Variants in CSNK2A1 observed in about 807,000 individuals in gnomAD.
The protein encoded by CSNK2A1 is casein kinase II subunit alpha.
CSNK2A1 carries 10 observed loss-of-function variants against 62.9 expected under a neutral mutation model. That is an observed-to-expected ratio of 0.16 (90% CI 0.10 to 0.27). The LOEUF (loss-of-function observed/expected upper bound fraction) is 0.27, where lower values mean the gene tolerates loss of function less well. Ranked by LOEUF, CSNK2A1 falls within the 10% of genes least tolerant of loss-of-function variation. CSNK2A1 has a pLI of 1.00. For synonymous variants in CSNK2A1, 124 were observed against 167.8 expected, an observed-to-expected ratio of 0.74 and a Z score of 2.02; for missense variants, 160 against 492.0, an observed-to-expected ratio of 0.33 and a Z score of 6.38.
In CSNK2A1 at chr20:499,210, G is replaced by A. The variant is rs765476166; in HGVS notation, c.366+45C>T. 6.7e-7 allele frequency: 1 copy of A among 1,490,980 alleles called. No homozygotes were observed. The allele number at this position is 1,490,980 out of a possible 1,614,324, so 92.4% of individuals were successfully genotyped here. ...ACAGCATCATCCCCAAAGGCTATGT[G>A]GTCTAAAAACCCACTAGCCCGAAAC... is the stretch of plus-strand genomic sequence containing the variant. On this transcript the variant is annotated intron_variant, in intron 6 of 13. Coordinates refer to ENST00000217244, the MANE Select transcript of CSNK2A1 (RefSeq NM_177559.3). This position sits in a 1 kb window ranked among gnomAD's most constrained non-coding sequence, Gnocchi z 4.2.
chr20:490,413 T>C (rs1406589257), intron 9 of CSNK2A1, among the ~76,000 whole-genome samples: 1 of 61,026 alleles, frequency 1.6e-5, no homozygotes, highest in East Asian at 1.5e-3. Flanking sequence ...AATTTTTACT[T>C]TTTTTTTTTT....
At chr20:525,634 GAGC>G (rs2019066821) in intron 2 of CSNK2A1, among the ~76,000 whole-genome samples, 2 of 128,480 alleles carry the variant, frequency 1.6e-5, no homozygotes, top group African/African-American at 3.1e-5. Flanking sequence ...CTGGGCGACA[GAGC>G]GAGACTCCAT....
chr20:504,882 C>T, intron 4 of CSNK2A1: 1 of 446,366 alleles, frequency 2.2e-6, no homozygotes. Flanking sequence ...TGTACCTTTG[C>T]TCCCTTACTC....
At chr20:508,360 A>T in intron 3 of CSNK2A1, 91 bp downstream of exon 3, 2 of 1,402,190 alleles carry the variant, frequency 1.4e-6, no homozygotes, top group Non-Finnish European at 2.0e-6. Context: ...ACACATACAG[A>T]GTCACGGAGG....
rs1270644001 is a variant in CSNK2A1 at position 499,707 on chromosome 20, ATT to A, written c.315+124_315+125del. 2.3e-6 allele frequency: 2 copies of A among 858,354 alleles called. No homozygotes were observed. Among genetic ancestry groups the A allele is most frequent in the Non-Finnish European group, 3.8e-6 (2 of 519,974 alleles). The allele number at this position is 858,354 out of a possible 1,614,324, so 53.2% of individuals were successfully genotyped here. Reference sequence around the variant, plus strand: ...CCAAGCTAGTTAAATGGTATATCTGATTAAGCACTTTCAAAGCAGGACTTAAT... The same window carrying A: ...CCAAGCTAGTTAAATGGTATATCTGAAAGCACTTTCAAAGCAGGACTTAAT... On this transcript the variant is annotated intron_variant, in intron 5 of 13. Transcript: ENST00000217244. The surrounding 1 kb of genome is among the most constrained non-coding windows in gnomAD (Gnocchi z 4.2).
At chr20:500,145 G>T (rs2018430331) in intron 4 of CSNK2A1, 2 of 521,918 alleles carry the variant, frequency 3.8e-6, no homozygotes, top group Non-Finnish European at 6.8e-6. Context: ...AAGAAAAAAA[G>T]ATTTCTATTC....
intron 1 of CSNK2A1, among the ~76,000 whole-genome samples, chr20:534,802 G>A (rs2122650449): frequency 6.6e-6 from 1 of 151,590 alleles, no homozygotes; most frequent in East Asian, 1.9e-4. Context: ...GCCGAGATGG[G>A]TGGATTGCCT....
intron 13 of CSNK2A1, among the ~76,000 whole-genome samples, chr20:485,567 C>A (rs901399860): frequency 1.3e-5 from 2 of 152,178 alleles, no homozygotes; most frequent in African/African-American, 4.8e-5. Context: ...ACTGGCTGCA[C>A]CACATTCCAT....
Position 499,651 on chromosome 20 carries a change from C to A in CSNK2A1, c.315+182G>T, listed in dbSNP as rs2122543766. 1 of 619,962 alleles carries A rather than the reference C, an allele frequency of 1.6e-6. No homozygotes were observed. The highest frequency in any genetic ancestry group is 4.4e-4 in the Middle Eastern group (1 of 2,274). 38.4% of individuals were successfully genotyped at this position (619,962 alleles called of 1,614,324 possible). A position where few individuals can be genotyped will look rare whatever the true frequency, so the allele number is the denominator to read the frequency against. On this transcript the variant is annotated intron_variant, in intron 5 of 13. Transcript: ENST00000217244. The surrounding 1 kb of genome is among the most constrained non-coding windows in gnomAD (Gnocchi z 4.2). ...TTAGCCTAGAAGAATAAGAAATAGT[C>A]TGTGGGTGGAGGTCTCTTTGAAAGA... is the stretch of plus-strand genomic sequence containing the variant.
intron 2 of CSNK2A1, among the ~76,000 whole-genome samples, chr20:509,353 C>A (rs552194918): frequency 4.6e-5 from 7 of 152,276 alleles, no homozygotes; most frequent in Non-Finnish European, 1.0e-4. Flanking sequence ...ATTAGCTGAG[C>A]TAATGCAAAA....
In CSNK2A1 at chr20:477,755, G is replaced by A. The variant is rs1343296601; in HGVS notation, c.*6206C>T. On this transcript the variant is annotated 3_prime_UTR_variant, in exon 14 of 14. Transcript: ENST00000217244. The stretch of plus-strand genomic sequence containing the variant: ...GCCTGTAATCCCACCACTTTGGGAG[G>A]CTTGGGCGGGCGGATCACCTGAGGT... The A allele has an allele frequency of 6.6e-6, 1 of 152,328 alleles. No individual in the cohort carries two copies. Among genetic ancestry groups the A allele is most frequent in the Non-Finnish European group, 1.5e-5 (1 of 68,178 alleles). 9.4% of individuals were successfully genotyped at this position (152,328 alleles called of 1,614,324 possible).
chr20:485,103 A>ATAC (rs2018059131), intron 13 of CSNK2A1, among the ~76,000 whole-genome samples: 1 of 26,124 alleles, frequency 3.8e-5, no homozygotes, highest in African/African-American at 1.2e-4. Flanking sequence ...AAAAAAAAAA[A>ATAC]AAAAAAATAT....
intron 13 of CSNK2A1, among the ~76,000 whole-genome samples, chr20:486,063 G>A (rs1324058797): frequency 6.6e-6 from 1 of 152,048 alleles, no homozygotes; most frequent in African/African-American, 2.4e-5. Context: ...GTTTCTAAGG[G>A]CCATGTAACT....
At position 499,312 on chromosome 20, in the gene CSNK2A1, GA is replaced by G. The variant is rs753171011; in HGVS notation, c.316-8del. ...CCAAGGCGGGGGTTCGTGACTAGGGGAAAAGAACAAAAACAAAAACACACAT... is the reference window on the plus strand; with the variant it reads ...CCAAGGCGGGGGTTCGTGACTAGGGGAAAGAACAAAAACAAAAACACACAT... On this transcript the variant is annotated splice_polypyrimidine_tract_variant and splice_region_variant and intron_variant, in intron 5 of 13. Coordinates refer to ENST00000217244, the MANE Select transcript of CSNK2A1 (RefSeq NM_177559.3). The surrounding 1 kb of genome is among the most constrained non-coding windows in gnomAD (Gnocchi z 4.2). 20 of 1,608,414 alleles carry G rather than the reference GA, an allele frequency of 1.2e-5. No individual in the cohort carries two copies. The highest frequency in any genetic ancestry group is 1.7e-5 in the Non-Finnish European group (20 of 1,177,728).
At chr20:511,130 G>A (rs2122578895) in intron 2 of CSNK2A1, among the ~76,000 whole-genome samples, 1 of 152,164 alleles carries the variant, frequency 6.6e-6, no homozygotes, top group African/African-American at 2.4e-5. Context: ...CTTGAACCCA[G>A]GAGTTCGCAA....
At chr20:486,586 G>C (rs1030576401) in intron 12 of CSNK2A1, 124 bp from the exon 13 acceptor site, 1 of 983,874 alleles carries the variant, frequency 1.0e-6, no homozygotes. Flanking sequence ...ATTCCCCAAA[G>C]AACTTAAGGT....
At position 480,742 on chromosome 20, in the gene CSNK2A1, T is replaced by C. The variant is rs766743667; in HGVS notation, c.*3219A>G. ...CCCAATTCCAGTCTTGGGAGAGAAT[T>C]TGCTGGTGGGACAAAATCAGGTTTT... On this transcript the variant is annotated 3_prime_UTR_variant, in exon 14 of 14. Coordinates refer to ENST00000217244, the MANE Select transcript of CSNK2A1 (RefSeq NM_177559.3). 10 of 152,182 alleles carry C rather than the reference T, an allele frequency of 6.6e-5. No homozygotes were observed. The highest frequency in any genetic ancestry group is 1.3e-4 in the Non-Finnish European group (9 of 68,048). The allele number at this position is 152,182 out of a possible 1,614,324, so 9.4% of individuals were successfully genotyped here. A position where few individuals can be genotyped will look rare whatever the true frequency, so the allele number is the denominator to read the frequency against.
chr20:488,464 C>A, intron 11 of CSNK2A1: 1 of 477,352 alleles, frequency 2.1e-6, no homozygotes, highest in Non-Finnish European at 3.7e-6. Context: ...AGCTATAACC[C>A]CTCCATCAGA....
intron 2 of CSNK2A1, among the ~76,000 whole-genome samples, chr20:526,476 G>T (rs536333836): frequency 6.6e-6 from 1 of 151,638 alleles, no homozygotes; most frequent in African/African-American, 2.4e-5. Flanking sequence ...AAAAACAATG[G>T]AAAAAATTAG....
Sources: allele counts gnomAD v4.1 joint callset (sites outside exome capture counted in the v4.1 genomes callset), GRCh38; gene constraint gnomAD v4.1.1; non-coding constraint Gnocchi (gnomAD v3.1); transcripts MANE v1.5; gene names NCBI Gene and HGNC (gene_info 2026-07-23, HGNC 2026-07-21).